The following ZNF443 variants were observed in gnomAD, a reference collection of about 807,000 sequenced individuals.
ZNF443 encodes the protein zinc finger protein 443.
In ZNF443, 3 loss-of-function variants were observed where a neutral mutation model predicts 12.0. The observed-to-expected ratio is 0.25, with a 90% CI of 0.11 to 0.64. ZNF443 has a LOEUF of 0.64. Ranked by LOEUF, ZNF443 falls within the 30% of genes least tolerant of loss-of-function variation. The pLI is 0.84. For missense variants in ZNF443, 770 were observed against 808.8 expected, an observed-to-expected ratio of 0.95 and a Z score of 0.58; for synonymous variants, 225 against 265.9, an observed-to-expected ratio of 0.85 and a Z score of 1.50.
chr19:12,438,089 G>A (rs1970331676), intron 1 of ZNF443, among the ~76,000 whole-genome samples: 1 of 144,020 alleles, frequency 6.9e-6, no homozygotes, highest in Non-Finnish European at 1.5e-5. Context: ...CAACAGAGAT[G>A]CTGTCTCAAA....
chr19:12,431,372 G>C lies in ZNF443; in HGVS notation c.800C>G (p.Ser267Cys). Residue 267 changes from serine (S) to cysteine (C), a missense_variant, in exon 4 of 4, where the codon TCC (serine) becomes TGC (cysteine). Physicochemically the swap from Ser to Cys is moderately radical, Grantham distance 112. Around this residue, in one of 3 missense-constraint regions of ZNF443, gnomAD observed 736 missense variants for 689.4 expected, o/e 1.07. Transcript: ENST00000301547. ...ATGTGTTCTTTCATGTCTTAGATAGGAACTGTAAAAAGGAAAGGCTTTAGA... is the reference window on the plus strand; with the variant it reads ...ATGTGTTCTTTCATGTCTTAGATAGCAACTGTAAAAAGGAAAGGCTTTAGA... Reference protein sequence around the residue: ...QCSKAFPFYSSYLRHERTHTG... With the variant: ...QCSKAFPFYSCYLRHERTHTG... The C allele has an allele frequency of 6.2e-7, 1 of 1,613,968 alleles. No homozygotes were observed. The highest frequency in any genetic ancestry group is 1.3e-5 in the African/African-American group (1 of 75,034).
chr19:12,433,585 T>G (rs1245226937), intron 1 of ZNF443, among the ~76,000 whole-genome samples: 1 of 152,192 alleles, frequency 6.6e-6, no homozygotes, highest in East Asian at 1.9e-4. Context: ...AAATGCTTTT[T>G]CACAAAGTTG....
rs775695516 is a variant in ZNF443 at position 12,431,864 on chromosome 19, C to T, written c.308G>A (p.Cys103Tyr). ...TKNTLPGVGP[C>Y]ESSMRGEKVM... ...TTTTTCTCCTCTCATACTGCTTTCA[C>T]AAGGACCTACTCCAGGAAGAGTGTT... Residue 103 changes from cysteine (C) to tyrosine (Y), a missense_variant, in exon 4 of 4, where the codon TGT becomes TAT. Transcript: ENST00000301547. 1.9e-6 allele frequency: 3 copies of T among 1,614,132 alleles called. No homozygotes were observed. In the Admixed American group the frequency reaches 5.0e-5, roughly 27 times the overall value.
intron 1 of ZNF443, among the ~76,000 whole-genome samples, chr19:12,434,917 A>G (rs1421734514): frequency 1.3e-5 from 2 of 148,938 alleles, no homozygotes; most frequent in East Asian, 3.9e-4. Context: ...TCCAATCTGT[A>G]TAAGCACTAT....
At chr19:12,437,806 T>C (rs1265178296) in intron 1 of ZNF443, among the ~76,000 whole-genome samples, 5 of 138,102 alleles carry the variant, frequency 3.6e-5, no homozygotes, top group East Asian at 4.2e-4. Context: ...TCAAAAGCCA[T>C]ATGGGGATGG....
chr19:12,440,635 C>T (rs1970355345), intron 1 of ZNF443, among the ~76,000 whole-genome samples: 1 of 152,244 alleles, frequency 6.6e-6, no homozygotes, highest in African/African-American at 2.4e-5. Flanking sequence ...GTGTTGGTTA[C>T]AGCCGCACAA....
chr19:12,438,612 A>G (rs1296374155), intron 1 of ZNF443, among the ~76,000 whole-genome samples: 1 of 152,152 alleles, frequency 6.6e-6, no homozygotes, highest in South Asian at 2.1e-4. Context: ...TTTTGCAGCC[A>G]TAATGGAAGA....
At chr19:12,438,776 T>C (rs4804185) in intron 1 of ZNF443, among the ~76,000 whole-genome samples, 49,874 of 151,938 alleles carry the variant, frequency 0.33, 8,625 homozygotes, top group South Asian at 0.47. Context: ...AGATTACATA[T>C]ACCATTTATA....
chr19:12,433,945 T>C (rs7259316), intron 1 of ZNF443, among the ~76,000 whole-genome samples: 49,898 of 151,688 alleles, frequency 0.33, 8,597 homozygotes, highest in South Asian at 0.47. Context: ...AATGAATAAA[T>C]GAGCTATCTC....
chr19:12,437,064 C>T (rs1326132998), intron 1 of ZNF443, among the ~76,000 whole-genome samples: 1 of 151,620 alleles, frequency 6.6e-6, no homozygotes, highest in East Asian at 1.9e-4. Flanking sequence ...GAATGGTTTA[C>T]TCCAAATGCT....
chr19:12,435,227 T>C (rs1034729028), intron 1 of ZNF443, among the ~76,000 whole-genome samples: 11 of 152,112 alleles, frequency 7.2e-5, no homozygotes, highest in African/African-American at 2.7e-4. Flanking sequence ...CCGCCTGCCT[T>C]AGCCTCCCAA....
Position 12,430,423 on chromosome 19 carries a change from CAT to C in ZNF443, c.1747_1748del (p.Met583GlufsTer6). On this transcript the variant is annotated frameshift_variant, in exon 4 of 4. Transcript: ENST00000301547. LOFTEE classifies it low-confidence loss of function (END_TRUNC). Reference protein sequence around the residue: ...TCFLRHERIHMREKSYECPQC... With the variant: ...TCFLRHERIHXREKSYECPQC... ...GTGGACATTCATAGGATTTCTCTCTCATGTGAATTCTTTCATGTCGTAGAAAG... is the reference window on the plus strand; with the variant it reads ...GTGGACATTCATAGGATTTCTCTCTCGTGAATTCTTTCATGTCGTAGAAAG... 2 of 1,573,954 alleles carry C rather than the reference CAT, an allele frequency of 1.3e-6. No individual in the cohort carries two copies. Among genetic ancestry groups the C allele is most frequent in the Non-Finnish European group, 1.7e-6 (2 of 1,159,184 alleles).
rs138164099 is a variant in ZNF443, at chr19:12,430,789, G to A, written c.1383C>T (p.Ser461=). 2.5e-4 allele frequency: 397 copies of A among 1,614,042 alleles called. 2 individuals carry two copies. The African/African-American group carries it at 4.4e-3, about 18-fold the overall frequency. Residue 461 remains serine, a synonymous_variant, in exon 4 of 4, where the codon TCC becomes TCT. Transcript: ENST00000301547. Reference sequence around the variant, plus strand: ...TTGTTTCATGCCTTCGAAGGGAACTGGAAATACGGTAGGCTTTGCCACATT... The same window carrying A: ...TTGTTTCATGCCTTCGAAGGGAACTAGAAATACGGTAGGCTTTGCCACATT... The part of the protein sequence containing the change: ...CKQCGKAYRI[S]SSLRRHETTH...
intron 1 of ZNF443, among the ~76,000 whole-genome samples, chr19:12,440,015 C>T (rs6511800): frequency 0.41 from 61,763 of 150,934 alleles, 14,318 homozygotes; most frequent in Non-Finnish European, 0.52. Flanking sequence ...CTGCTGCCCA[C>T]GTCTTTGGAA....
At position 12,430,392 on chromosome 19, in the gene ZNF443, C is replaced by G; in HGVS notation, c.1780G>C (p.Gly594Arg). The G allele has an allele frequency of 6.4e-7, 1 of 1,572,442 alleles. No individual in the cohort carries two copies. The highest frequency in any genetic ancestry group is 1.2e-5 in the South Asian group (1 of 84,056). ...REKSYECPQCGKAFTHSRFLQ... is the reference protein window; with the variant it reads ...REKSYECPQCRKAFTHSRFLQ... ...AAACGGGAATGAGTGAAGGCTTTAC[C>G]ACATTGTGGACATTCATAGGATTTC... is the stretch of plus-strand genomic sequence containing the variant. Residue 594 changes from glycine (G) to arginine (R), a missense_variant, in exon 4 of 4, where the codon GGT becomes CGT. By Grantham distance (125) the Gly-to-Arg change is moderately radical. Coordinates refer to ENST00000301547, the MANE Select transcript of ZNF443 (RefSeq NM_005815.5).
chr19:12,432,444 G>C lies in ZNF443; in HGVS notation c.131-7C>G. 3 of 1,428,522 alleles carry C rather than the reference G, an allele frequency of 2.1e-6. No individual in the cohort carries two copies. The highest frequency in any genetic ancestry group is 2.8e-6 in the Non-Finnish European group (3 of 1,058,556). The allele number at this position is 1,428,522 out of a possible 1,614,324, so 88.5% of individuals were successfully genotyped here. ...TGGTCTTTCCATTTCATTACTAAAAGGTATACACAGAAAAATCATTACAAA... is the reference window on the plus strand; with the variant it reads ...TGGTCTTTCCATTTCATTACTAAAACGTATACACAGAAAAATCATTACAAA... On this transcript the variant is annotated splice_region_variant and splice_polypyrimidine_tract_variant and intron_variant, in intron 2 of 3. Coordinates refer to ENST00000301547, the MANE Select transcript of ZNF443 (RefSeq NM_005815.5).
At chr19:12,434,938 G>A (rs1259158016) in intron 1 of ZNF443, among the ~76,000 whole-genome samples, 2 of 142,788 alleles carry the variant, frequency 1.4e-5, no homozygotes, top group Non-Finnish European at 3.0e-5. Flanking sequence ...CCAAAGGTCT[G>A]AAACAAGGCT....
In ZNF443 at chr19:12,431,300, G is replaced by T. The variant is rs759561061; in HGVS notation, c.872C>A (p.Pro291His). The T allele has an allele frequency of 6.2e-7, 1 of 1,614,082 alleles. No individual in the cohort carries two copies. The highest frequency in any genetic ancestry group is 1.6e-4 in the Middle Eastern group (1 of 6,062). Reference sequence around the variant, plus strand: ...ATGTATTAGACAAGAACTGGAATCAGGGAAGGCTTTAGAACACTGCTTACA... The same window carrying T: ...ATGTATTAGACAAGAACTGGAATCATGGAAGGCTTTAGAACACTGCTTACA... ...YKCKQCSKAF[P>H]DSSSCLIHER... is the part of the protein sequence containing the mutation. The change falls in exon 4 of 4, where the codon CCT (proline) becomes CAT (histidine). Residue 291 changes from proline to histidine, a missense_variant. Transcript: ENST00000301547.
At chr19:12,436,999 G>A (rs1018049293) in intron 1 of ZNF443, among the ~76,000 whole-genome samples, 2 of 151,038 alleles carry the variant, frequency 1.3e-5, no homozygotes, top group Non-Finnish European at 1.5e-5. Flanking sequence ...GGTTATATGA[G>A]CATTACCCTA....
Sources: allele counts gnomAD v4.1 joint callset (sites outside exome capture counted in the v4.1 genomes callset), GRCh38; gene constraint gnomAD v4.1.1; regional missense constraint gnomAD v4.1.1; transcripts MANE v1.5; gene names NCBI Gene and HGNC (gene_info 2026-07-23, HGNC 2026-07-21).